Variants in EMB observed in about 807,000 individuals in gnomAD.
The protein encoded by EMB is embigin.
In EMB, 31 loss-of-function variants were observed where a neutral mutation model predicts 41.4. The observed-to-expected ratio is 0.75, with a 90% CI of 0.56 to 1.01. The LOEUF is 1.01. Ranked by LOEUF, EMB falls within the 50% of genes least tolerant of loss-of-function variation. The pLI, the probability that EMB is intolerant of heterozygous loss-of-function variation, is 0.00. For missense variants in EMB, 379 were observed against 388.3 expected, an observed-to-expected ratio of 0.98 and a Z score of 0.20; for synonymous variants, 137 against 140.4, an observed-to-expected ratio of 0.98 and a Z score of 0.17.
At chr5:50,401,698 C>A (rs369741417) in intron 7 of EMB, among the ~76,000 whole-genome samples, 6 of 151,958 alleles carry the variant, frequency 3.9e-5, no homozygotes, top group Non-Finnish European at 5.9e-5. Context: ...ACCTGTGGCA[C>A]AATTTGTGTT....
chr5:50,443,046 T>A (rs16879091), upstream of EMB: 7 of 141,192 alleles, frequency 5.0e-5, no homozygotes, highest in Admixed American at 4.8e-4. Flanking sequence ...ATTTTGAAAG[T>A]CTTTTCATCA....
At chr5:50,417,628 A>T (rs1433536540) in intron 2 of EMB, among the ~76,000 whole-genome samples, 2 of 152,232 alleles carry the variant, frequency 1.3e-5, no homozygotes, top group African/African-American at 2.4e-5. Context: ...ACTTGAGTAA[A>T]ATGTAGTACA....
intron 8 of EMB, 109 bp from the exon 9 acceptor site, chr5:50,399,399 T>C (rs1745122095): frequency 6.9e-7 from 1 of 1,457,742 alleles, no homozygotes; most frequent in Non-Finnish European, 9.2e-7. Flanking sequence ...AGGGATCCAA[T>C]CTACTGCCAA....
At chr5:50,399,670 G>T (rs1371702269) in intron 8 of EMB, among the ~76,000 whole-genome samples, 189 bp downstream of exon 8, 1 of 151,832 alleles carries the variant, frequency 6.6e-6, no homozygotes, top group Non-Finnish European at 1.5e-5. Flanking sequence ...GTGCCCTCTG[G>T]TGGAAAATGA....
intron 1 of EMB, among the ~76,000 whole-genome samples, chr5:50,438,356 T>C (rs1745839821): frequency 6.6e-6 from 1 of 152,122 alleles, no homozygotes; most frequent in Non-Finnish European, 1.5e-5. Context: ...GAGTGAGAAT[T>C]CCCCAGGAGT....
chr5:50,434,327 A>C (rs1745769690), intron 1 of EMB, among the ~76,000 whole-genome samples: 1 of 152,238 alleles, frequency 6.6e-6, no homozygotes. Flanking sequence ...CAATGTGATC[A>C]TTCTTAATAA....
Position 50,410,893 on chromosome 5 carries a change from T to C in EMB, c.456A>G (p.Gly152=), listed in dbSNP as rs1046620495. 1.6e-5 allele frequency: 25 copies of C among 1,598,842 alleles called. No individual in the cohort carries two copies. Among genetic ancestry groups the C allele is most frequent in the Non-Finnish European group, 2.0e-5 (23 of 1,173,386 alleles). The change falls in exon 4 of 9, where the codon GGA becomes GGG. Residue 152 remains glycine, a synonymous_variant. Coordinates refer to ENST00000303221, the MANE Select transcript of EMB (RefSeq NM_198449.3). The stretch of plus-strand genomic sequence containing the variant: ...AATACTGACCTTTGAAATTAAATGT[T>C]CCCCTTTGTTCCTTTTCCTCTCGAA... ...CFFREEKEQR[G]TFNFKVPELH...
intron 4 of EMB, among the ~76,000 whole-genome samples, chr5:50,407,168 A>G (rs898860774): frequency 2.2e-4 from 34 of 151,990 alleles, no homozygotes; most frequent in African/African-American, 8.2e-4. Flanking sequence ...CTTTCTGGCA[A>G]TTGAGTCATG....
rs1745445773 is a variant in EMB at position 50,417,337 on chromosome 5, TGAATAA to T, written c.197-5960_197-5955del. Among the ~76,000 whole-genome samples, 6 of 152,346 alleles carry T rather than the reference TGAATAA, an allele frequency of 3.9e-5. No individual in the cohort carries two copies. The South Asian group carries it at 1.2e-3, about 32-fold the overall frequency. ...GTCTTAAACATATGGAGTTAACTTA[TGAATAA>T]GAATAAAATTCTCAAAGTTTATATC... On this transcript the variant is annotated intron_variant, in intron 2 of 8. Coordinates refer to ENST00000303221, the MANE Select transcript of EMB (RefSeq NM_198449.3).
intron 2 of EMB, among the ~76,000 whole-genome samples, chr5:50,422,258 C>G (rs1349708022): frequency 6.6e-6 from 1 of 152,066 alleles, no homozygotes; most frequent in Non-Finnish European, 1.5e-5. Context: ...TAGTTATCAA[C>G]AGATTTGTTT....
At chr5:50,412,240 C>A (rs1439438983) in intron 2 of EMB, among the ~76,000 whole-genome samples, 1 of 134,948 alleles carries the variant, frequency 7.4e-6, no homozygotes, top group Admixed American at 7.5e-5. Context: ...CACACACACA[C>A]CACACACACA....
intron 1 of EMB, 121 bp downstream of exon 1, chr5:50,440,919 A>C: frequency 3.4e-6 from 2 of 590,650 alleles, no homozygotes; most frequent in Non-Finnish European, 5.1e-6. Context: ...CGCCCTTACC[A>C]GCATCCCCGC....
chr5:50,442,482 C>T (rs1378069421), upstream of EMB, among the ~76,000 whole-genome samples: 4 of 150,228 alleles, frequency 2.7e-5, no homozygotes, highest in African/African-American at 7.5e-5. Context: ...GCTAGATAGG[C>T]ACACATGCAC....
intron 2 of EMB, among the ~76,000 whole-genome samples, chr5:50,420,167 G>A (rs1745495076): frequency 6.6e-6 from 1 of 152,150 alleles, no homozygotes; most frequent in African/African-American, 2.4e-5. Context: ...TCCGGCACAT[G>A]TACCCCAGAA....
upstream of EMB, chr5:50,443,061 T>C (rs1041384566): frequency 2.0e-5 from 3 of 152,228 alleles, no homozygotes; most frequent in African/African-American, 7.2e-5. Flanking sequence ...TCATCACTGT[T>C]CCTGTTCTAT....
chr5:50,437,264 C>T (rs1205998392), intron 1 of EMB, among the ~76,000 whole-genome samples: 1 of 151,958 alleles, frequency 6.6e-6, no homozygotes. Flanking sequence ...GAGTGAGACC[C>T]TGTCTCAAAA....
At chr5:50,426,920 T>G (rs571662850) in intron 2 of EMB, among the ~76,000 whole-genome samples, 2 of 149,522 alleles carry the variant, frequency 1.3e-5, no homozygotes, top group Admixed American at 1.3e-4. Flanking sequence ...AAAAAACACT[T>G]AGGACACAAA....
At chr5:50,412,610 T>C (rs1745360251) in intron 2 of EMB, among the ~76,000 whole-genome samples, 1 of 151,800 alleles carries the variant, frequency 6.6e-6, no homozygotes, top group Non-Finnish European at 1.5e-5. Context: ...CCTACTAAGA[T>C]GGTGTATAAG....
rs1745084921 is a variant in EMB at position 50,397,270 on chromosome 5, G to A, written c.*2003C>T. 6.6e-6 allele frequency: 1 copy of A among 152,040 alleles called. No homozygotes were observed. The highest frequency in any genetic ancestry group is 1.5e-5 in the Non-Finnish European group (1 of 67,992). The allele number at this position is 152,040 out of a possible 1,614,324, so 9.4% of individuals were successfully genotyped here. On this transcript the variant is annotated 3_prime_UTR_variant, in exon 9 of 9. Coordinates refer to ENST00000303221, the MANE Select transcript of EMB (RefSeq NM_198449.3). ...AAAATCCAACAGTGGTAATTTTCTG[G>A]AAGTCCTCCAGAGAGACTACAAAAA... is the stretch of plus-strand genomic sequence containing the variant.
Sources: allele counts gnomAD v4.1 joint callset (sites outside exome capture counted in the v4.1 genomes callset), GRCh38; gene constraint gnomAD v4.1.1; transcripts MANE v1.5; gene names NCBI Gene and HGNC (gene_info 2026-07-23, HGNC 2026-07-21).